The following RAB31 variants were observed in gnomAD, a reference collection of about 807,000 sequenced individuals.
RAB31 encodes RAB31, member RAS oncogene family.
A neutral mutation model predicts 25.6 loss-of-function variants in RAB31; 21 were observed. That is an observed-to-expected ratio of 0.82 (90% CI 0.58 to 1.18). The LOEUF (loss-of-function observed/expected upper bound fraction) is 1.18, where lower values mean the gene tolerates loss of function less well. Among genes scored for constraint, RAB31 ranks in the 50% most tolerant of loss-of-function variants. The probability of loss-of-function intolerance (pLI) is 0.00; values close to 1 mark genes in which losing one functional copy is unlikely to be tolerated. For synonymous variants in RAB31, 87 were observed against 84.0 expected, an observed-to-expected ratio of 1.04 and a Z score of -0.20; for missense variants, 196 against 250.1, an observed-to-expected ratio of 0.78 and a Z score of 1.46.
intron 1 of RAB31, among the ~76,000 whole-genome samples, chr18:9,712,888 C>T (rs537810261): frequency 1.2e-4 from 18 of 152,310 alleles, no homozygotes; most frequent in African/African-American, 3.4e-4. Flanking sequence ...TTCCCTGCTT[C>T]TGGTAAGGAG....
At chr18:9,762,222 C>T (rs56215873) in intron 1 of RAB31, among the ~76,000 whole-genome samples, 14,608 of 152,186 alleles carry the variant, frequency 0.096, 1,156 homozygotes, top group East Asian at 0.23. Context: ...TACTGGGAGG[C>T]GGGGATTATT....
At chr18:9,722,989 T>C (rs762746452) in intron 1 of RAB31, 1 of 152,216 alleles carries the variant, frequency 6.6e-6, no homozygotes, top group Non-Finnish European at 1.5e-5. Context: ...GCAGATACTA[T>C]TGAAACCTCA....
chr18:9,855,936 TC>T (rs1416649327), intron 6 of RAB31: 1 of 152,144 alleles, frequency 6.6e-6, no homozygotes, highest in Non-Finnish European at 1.5e-5. Flanking sequence ...CATCATTTGT[TC>T]CTCCCCTTTT....
chr18:9,729,309 C>T (rs529676342), intron 1 of RAB31, among the ~76,000 whole-genome samples: 4 of 152,088 alleles, frequency 2.6e-5, no homozygotes, highest in East Asian at 1.9e-4. Context: ...GGGCGGATCA[C>T]GAGGGGAGGA....
chr18:9,835,578 G>A (rs2068700024), intron 5 of RAB31, among the ~76,000 whole-genome samples: 1 of 152,204 alleles, frequency 6.6e-6, no homozygotes, highest in African/African-American at 2.4e-5. Flanking sequence ...AGCAGTTAAG[G>A]ACATGTGTTA....
chr18:9,767,954 G>A lies in RAB31; in HGVS notation c.40-7324G>A, dbSNP rs530721523. Among the ~76,000 whole-genome samples the A allele has an allele frequency of 5.9e-5, 9 of 152,114 alleles. No individual in the cohort carries two copies. In the South Asian group the frequency reaches 1.7e-3, roughly 28 times the overall value. On this transcript the variant is annotated intron_variant, in intron 1 of 6. Coordinates refer to ENST00000578921, the MANE Select transcript of RAB31 (RefSeq NM_006868.4). The stretch of plus-strand genomic sequence containing the variant: ...CTCATTGTTCAACTCCCATTTATGA[G>A]TGAGAACATACAGTGTTTGGTTTTC...
At chr18:9,717,588 G>A (rs943489149) in intron 1 of RAB31, among the ~76,000 whole-genome samples, 1 of 152,276 alleles carries the variant, frequency 6.6e-6, no homozygotes, top group East Asian at 1.9e-4. Context: ...TGCCTTCATG[G>A]AATCACTTTC....
At position 9,859,557 on chromosome 18, in the gene RAB31, T is replaced by G; in HGVS notation, c.*232T>G. On this transcript the variant is annotated 3_prime_UTR_variant, in exon 7 of 7. Transcript: ENST00000578921. ...ACAAAATGGCCTTTAGTGTATGAAA[T>G]GCACATGGAGGGGATGTAGTTGCAT... The G allele has an allele frequency of 2.6e-6, 1 of 384,332 alleles. No homozygotes were observed. The highest frequency in any genetic ancestry group is 4.6e-6 in the Non-Finnish European group (1 of 218,224). The allele number at this position is 384,332 out of a possible 1,614,324, so 23.8% of individuals were successfully genotyped here. A position where few individuals can be genotyped will look rare whatever the true frequency, so the allele number is the denominator to read the frequency against.
chr18:9,800,303 C>G (rs1292718455), intron 3 of RAB31, among the ~76,000 whole-genome samples: 1 of 152,166 alleles, frequency 6.6e-6, no homozygotes, highest in African/African-American at 2.4e-5. Context: ...CAACCTGAAA[C>G]TTTCTTCAGC....
At position 9,728,353 on chromosome 18, in the gene RAB31, G is replaced by A. The variant is rs537647561; in HGVS notation, c.39+19909G>A. 9.8e-4 allele frequency among the ~76,000 whole-genome samples: 150 copies of A among 152,314 alleles called. 2 individuals are homozygous for A. The highest frequency in any genetic ancestry group is 3.4e-3 in the African/African-American group (143 of 41,562). ...TCTTTGTACCTGAATCTTAATGTAC[G>A]TGAATGAAATGTATTTGTGGGATTT... is the stretch of plus-strand genomic sequence containing the variant. On this transcript the variant is annotated intron_variant, in intron 1 of 6. Transcript: ENST00000578921.
chr18:9,856,977 C>G (rs2068819356), intron 6 of RAB31, among the ~76,000 whole-genome samples: 1 of 152,070 alleles, frequency 6.6e-6, no homozygotes, highest in Non-Finnish European at 1.5e-5. Context: ...TGTTTACTCC[C>G]TTTTAATTGT....
Position 9,861,612 on chromosome 18 carries a change from C to G in RAB31, c.*2287C>G, listed in dbSNP as rs2068848130. On this transcript the variant is annotated 3_prime_UTR_variant, in exon 7 of 7. Transcript: ENST00000578921. ...CCTTTGTTTTGGCTCGGGATTACTTCCTGGCTGTCTAATAATTGAACCATA... is the reference window on the plus strand; with the variant it reads ...CCTTTGTTTTGGCTCGGGATTACTTGCTGGCTGTCTAATAATTGAACCATA... 1 of 152,176 alleles carries G rather than the reference C, an allele frequency of 6.6e-6. No individual in the cohort carries two copies. Among genetic ancestry groups the G allele is most frequent in the Non-Finnish European group, 1.5e-5 (1 of 68,042 alleles). The allele number at this position is 152,176 out of a possible 1,614,324, so 9.4% of individuals were successfully genotyped here.
chr18:9,804,090 G>A (rs967918248), intron 3 of RAB31, among the ~76,000 whole-genome samples: 5 of 152,226 alleles, frequency 3.3e-5, no homozygotes, highest in African/African-American at 4.8e-5. Context: ...ACACAGAGGC[G>A]GCCAGAGGGG....
chr18:9,780,764 C>G (rs2068399252), intron 2 of RAB31, among the ~76,000 whole-genome samples: 1 of 152,058 alleles, frequency 6.6e-6, no homozygotes, highest in South Asian at 2.1e-4. Flanking sequence ...AACCCCATCT[C>G]TACTAAAAAT....
chr18:9,719,579 C>T (rs1181882196), intron 1 of RAB31, among the ~76,000 whole-genome samples: 1 of 151,684 alleles, frequency 6.6e-6, no homozygotes, highest in Non-Finnish European at 1.5e-5. Flanking sequence ...CTCACCTCCT[C>T]ATTTAACTTC....
intron 1 of RAB31, chr18:9,722,972 A>G (rs1280259229): frequency 1.3e-5 from 2 of 152,232 alleles, no homozygotes; most frequent in Admixed American, 6.5e-5. Flanking sequence ...TACTCCCATG[A>G]CTAGATGCAG....
At chr18:9,764,169 C>T (rs975586482) in intron 1 of RAB31, among the ~76,000 whole-genome samples, 1 of 152,194 alleles carries the variant, frequency 6.6e-6, no homozygotes, top group Non-Finnish European at 1.5e-5. Flanking sequence ...CATCAGCAAT[C>T]CAGTTGATGG....
intron 1 of RAB31, among the ~76,000 whole-genome samples, chr18:9,735,863 G>C (rs534825607): frequency 6.6e-6 from 1 of 152,162 alleles, no homozygotes; most frequent in Non-Finnish European, 1.5e-5. Context: ...TCTTTAAGCA[G>C]AGTCTTGCTG....
intron 1 of RAB31, among the ~76,000 whole-genome samples, chr18:9,748,430 C>T (rs1771069221): frequency 6.6e-6 from 1 of 152,082 alleles, no homozygotes; most frequent in African/African-American, 2.4e-5. Context: ...CGCTTGAGCC[C>T]AGAAGGTTGA....
Sources: allele counts gnomAD v4.1 joint callset (sites outside exome capture counted in the v4.1 genomes callset), GRCh38; gene constraint gnomAD v4.1.1; transcripts MANE v1.5; gene names NCBI Gene and HGNC (gene_info 2026-07-23, HGNC 2026-07-21).